The following PCDHGA1 variants were observed in gnomAD, a reference collection of about 807,000 sequenced individuals.
PCDHGA1 encodes the protein protocadherin gamma subfamily A, 1.
Under a neutral mutation model 58.0 loss-of-function variants are expected in PCDHGA1, and 32 were observed. That is an observed-to-expected ratio of 0.55 (90% CI 0.42 to 0.74). PCDHGA1 has a LOEUF of 0.74. Ranked by LOEUF, PCDHGA1 falls within the 30% of genes least tolerant of loss-of-function variation. PCDHGA1 has a pLI of 0.00. For missense variants in PCDHGA1, 1,205 were observed against 1,182.3 expected (o/e 1.02, Z -0.28); for synonymous variants, 498 against 501.1 (o/e 0.99, Z 0.08).
rs2098098668 is a variant in PCDHGA1, at chr5:141,439,210, T to C, written c.2422-55597T>C. Among the ~76,000 whole-genome samples the C allele has an allele frequency of 4.0e-5, 6 of 150,296 alleles. No homozygotes were observed. The Middle Eastern group carries it at 0.014, about 343-fold the overall frequency. On this transcript the variant is annotated intron_variant, in intron 1 of 3. Transcript: ENST00000517417. The stretch of plus-strand genomic sequence containing the variant: ...TCTGACAAAAAAAAAAAAAAATCCA[T>C]ATGTGAAAATTCTTAGAAGCTTCCT...
intron 1 of PCDHGA1, chr5:141,384,690 T>C (rs368242169): frequency 4.7e-5 from 76 of 1,613,884 alleles, no homozygotes; most frequent in Non-Finnish European, 5.9e-5. Context: ...TGGACAAAGA[T>C]TCAGGCCAGA....
chr5:141,476,601 C>A lies in PCDHGA1; in HGVS notation c.2422-18206C>A. On this transcript the variant is annotated intron_variant, in intron 1 of 3. Coordinates refer to ENST00000517417, the MANE Select transcript of PCDHGA1 (RefSeq NM_018912.3). The surrounding 1 kb of genome is among the most constrained non-coding windows in gnomAD (Gnocchi z 7.6). ...TTTCCGCTCGAGAGCGCGCACGATC[C>A]CGATGTGGGAAGCAACTCTTTACAA... The A allele has an allele frequency of 6.2e-7, 1 of 1,614,228 alleles. No homozygotes were observed. The highest frequency in any genetic ancestry group is 2.2e-5 in the East Asian group (1 of 44,878).
Position 141,476,908 on chromosome 5 carries a change from A to T in PCDHGA1, c.2422-17899A>T. ...ATGCACCCTCCGGCACGCGCGTGGT[A>T]CAAGTCCTTGCAACGGATCTGGATG... is the stretch of plus-strand genomic sequence containing the variant. On this transcript the variant is annotated intron_variant, in intron 1 of 3. Coordinates refer to ENST00000517417, the MANE Select transcript of PCDHGA1 (RefSeq NM_018912.3). This position sits in a 1 kb window ranked among gnomAD's most constrained non-coding sequence, Gnocchi z 7.6. The T allele has an allele frequency of 1.2e-6, 2 of 1,614,050 alleles. No individual in the cohort carries two copies. The highest frequency in any genetic ancestry group is 1.7e-6 in the Non-Finnish European group (2 of 1,180,038).
At chr5:141,383,991 A>C in intron 1 of PCDHGA1, 1 of 1,613,866 alleles carries the variant, frequency 6.2e-7, no homozygotes, top group Non-Finnish European at 8.5e-7. Flanking sequence ...CTCTTGGGAC[A>C]GTCATTGCTC....
chr5:141,420,065 G>A (rs1253164840), intron 1 of PCDHGA1: 4 of 1,614,018 alleles, frequency 2.5e-6, no homozygotes, highest in Non-Finnish European at 3.4e-6. Flanking sequence ...CTCCAAGTCC[G>A]GACCTGTGGG....
chr5:141,344,921 A>G (rs371528131), intron 1 of PCDHGA1: 67 of 1,613,822 alleles, frequency 4.2e-5, no homozygotes, highest in Non-Finnish European at 5.0e-5. Flanking sequence ...ATCTTAACTC[A>G]GTGAGTGGAG....
intron 1 of PCDHGA1, chr5:141,360,463 G>A (rs1405122386): frequency 6.2e-7 from 1 of 1,613,904 alleles, no homozygotes; most frequent in South Asian, 1.1e-5. Flanking sequence ...CGATACTGTC[G>A]CTGAAAATCC....
In PCDHGA1 at chr5:141,431,940, T is replaced by G; in HGVS notation, c.2422-62867T>G. ...ATCCAAGGAAATCTGCCCTTTAAAT[T>G]AGAAAAATCTTACGGAAATTACTAT... On this transcript the variant is annotated intron_variant, in intron 1 of 3. Coordinates refer to ENST00000517417, the MANE Select transcript of PCDHGA1 (RefSeq NM_018912.3). The surrounding 1 kb of genome is among the most constrained non-coding windows in gnomAD (Gnocchi z 4.8). 2 of 1,614,132 alleles carry G rather than the reference T, an allele frequency of 1.2e-6. No homozygotes were observed. Among genetic ancestry groups the G allele is most frequent in the Non-Finnish European group, 1.7e-6 (2 of 1,179,998 alleles).
At chr5:141,357,941 A>C (rs558616787) in intron 1 of PCDHGA1, among the ~76,000 whole-genome samples, 1 of 152,214 alleles carries the variant, frequency 6.6e-6, no homozygotes, top group East Asian at 1.9e-4. Flanking sequence ...TGTAATCCTA[A>C]CACTTTGGGA....
chr5:141,416,042 A>G (rs1024979061), intron 1 of PCDHGA1: 1 of 193,196 alleles, frequency 5.2e-6, no homozygotes, highest in African/African-American at 2.3e-5. Context: ...ACCTCTGGAA[A>G]CACAACCCAA....
rs1317699369 is a variant in PCDHGA1 at position 141,477,408 on chromosome 5, A to G, written c.2422-17399A>G. The G allele has an allele frequency of 6.2e-7, 1 of 1,614,098 alleles. No homozygotes were observed. ...TACAACCTCAGCATCACCGCCCGAG[A>G]CGCCGGAACCCCTTCCCTCTCAGCC... On this transcript the variant is annotated intron_variant, in intron 1 of 3. Transcript: ENST00000517417. This position sits in a 1 kb window ranked among gnomAD's most constrained non-coding sequence, Gnocchi z 4.9.
chr5:141,381,932 C>T lies in PCDHGA1; in HGVS notation c.2421+48827C>T, dbSNP rs1205042648. Among the ~76,000 whole-genome samples the T allele has an allele frequency of 2.1e-5, 3 of 144,772 alleles. No homozygotes were observed. The Admixed American group carries it at 2.2e-4, about 11-fold the overall frequency. The allele number at this position is 144,772 out of a possible 152,430, so 95.0% of individuals were successfully genotyped here. A position where few individuals can be genotyped will look rare whatever the true frequency, so the allele number is the denominator to read the frequency against. ...ACAACCTCCACCTCCCGGGTTCAAG[C>T]GATTTTCCTGCCTCAGCCTCCTGAG... is the stretch of plus-strand genomic sequence containing the variant. On this transcript the variant is annotated intron_variant, in intron 1 of 3. Transcript: ENST00000517417.
intron 1 of PCDHGA1, chr5:141,395,193 T>C (rs748986857): frequency 1.2e-6 from 2 of 1,614,024 alleles, no homozygotes; most frequent in South Asian, 1.1e-5. Flanking sequence ...TTTGTTAACA[T>C]CCGTAGATTT....
At chr5:141,396,546 G>A (rs2093396215) in intron 1 of PCDHGA1, 1 of 152,118 alleles carries the variant, frequency 6.6e-6, no homozygotes, top group Non-Finnish European at 1.5e-5. Context: ...CTTGAACCCG[G>A]GAGGTGGAGG....
chr5:141,481,151 G>A (rs1326614212), intron 1 of PCDHGA1, among the ~76,000 whole-genome samples: 1 of 152,198 alleles, frequency 6.6e-6, no homozygotes, highest in African/African-American at 2.4e-5. Context: ...TGTTATTCTG[G>A]TATTTGCAGA....
chr5:141,405,330 T>A, intron 1 of PCDHGA1: 1 of 1,614,206 alleles, frequency 6.2e-7, no homozygotes. Flanking sequence ...CCTTTGTGCG[T>A]CTCTGTTGAT....
chr5:141,379,889 C>CTTTTGTTTTTTTTT (rs1775942254), intron 1 of PCDHGA1, among the ~76,000 whole-genome samples: 1 of 50,830 alleles, frequency 2.0e-5, no homozygotes, highest in African/African-American at 6.6e-5. Context: ...GTGAAAGCCT[C>CTTTTGTTTTTTTTT]TTTTTTTTTT....
At chr5:141,412,939 C>G in intron 1 of PCDHGA1, 1 of 461,988 alleles carries the variant, frequency 2.2e-6, no homozygotes, top group Non-Finnish European at 3.8e-6. Context: ...TCTTAGGACT[C>G]TGAGCGCCGC....
At chr5:141,478,497 C>T in intron 1 of PCDHGA1, 1 of 1,612,820 alleles carries the variant, frequency 6.2e-7, no homozygotes, top group Non-Finnish European at 8.5e-7. Context: ...AGCTGTGATC[C>T]GGTGTTCTAT....
Sources: gnomAD v4.1 joint callset for allele counts (sites outside exome capture counted in the v4.1 genomes callset) on GRCh38, gnomAD v4.1.1 for gene constraint, Gnocchi (gnomAD v3.1) non-coding constraint, MANE v1.5 for transcripts, NCBI Gene and HGNC (gene_info 2026-07-23, HGNC 2026-07-21) for gene names.